Variants in DOCK1 observed in about 807,000 individuals in gnomAD.
The protein encoded by DOCK1 is dedicator of cytokinesis protein 1.
A neutral mutation model predicts 262.7 loss-of-function variants in DOCK1; 138 were observed. The ratio of observed to expected loss-of-function variants is 0.53; its 90% CI spans 0.46 to 0.61. DOCK1 has a LOEUF of 0.61. Among genes scored for constraint, DOCK1 ranks in the 20% least tolerant of loss-of-function variants. The probability of loss-of-function intolerance (pLI) is 0.00; values close to 1 mark genes in which losing one functional copy is unlikely to be tolerated. For missense variants in DOCK1, 1,908 were observed against 2,370.7 expected, an observed-to-expected ratio of 0.80 and a Z score of 4.05; for synonymous variants, 866 against 867.4, an observed-to-expected ratio of 1.00 and a Z score of 0.03.
intron 27 of DOCK1, among the ~76,000 whole-genome samples, chr10:127,245,808 T>C (rs1208862326): frequency 6.6e-6 from 1 of 152,218 alleles, no homozygotes; most frequent in African/African-American, 2.4e-5. Flanking sequence ...AGCCTGATCA[T>C]TTAAGCTAAG....
chr10:127,253,096 A>C (rs2059708999), intron 28 of DOCK1, among the ~76,000 whole-genome samples: 1 of 152,064 alleles, frequency 6.6e-6, no homozygotes, highest in Admixed American at 6.6e-5. Flanking sequence ...GACCATCCCA[A>C]CCCTTTTGGA....
chr10:127,230,361 G>GT (rs1022831258), intron 27 of DOCK1, among the ~76,000 whole-genome samples: 3 of 151,674 alleles, frequency 2.0e-5, no homozygotes, highest in Non-Finnish European at 2.9e-5. Flanking sequence ...ATTTCAAGAG[G>GT]TTTTTTTTCT....
At chr10:127,136,908 G>T (rs1352272402) in intron 27 of DOCK1, 1 of 152,586 alleles carries the variant, frequency 6.6e-6, no homozygotes, top group East Asian at 1.9e-4. Flanking sequence ...TGTCTCGGAG[G>T]ATCGATCCAC....
intron 16 of DOCK1, 135 bp downstream of exon 16, chr10:127,026,559 C>T (rs551108345): frequency 1.3e-6 from 1 of 792,896 alleles, no homozygotes; most frequent in African/African-American, 1.8e-5. Flanking sequence ...GAACCTATTC[C>T]TTGGAAACAT....
At chr10:127,415,037 T>G in intron 43 of DOCK1, 115 bp from the exon 44 acceptor site, 1 of 921,916 alleles carries the variant, frequency 1.1e-6, no homozygotes, top group Non-Finnish European at 1.7e-6. Flanking sequence ...ACAGACCCTG[T>G]CCTGCTGAAG....
chr10:127,056,692 C>G (rs1161736581), intron 22 of DOCK1, among the ~76,000 whole-genome samples: 1 of 152,088 alleles, frequency 6.6e-6, no homozygotes, highest in Non-Finnish European at 1.5e-5. Context: ...CAGACTTTCA[C>G]AGTTTGACTT....
intron 40 of DOCK1, among the ~76,000 whole-genome samples, chr10:127,407,460 A>G (rs1021395103): frequency 6.6e-6 from 1 of 152,070 alleles, no homozygotes; most frequent in African/African-American, 2.4e-5. Flanking sequence ...TTCTAATACT[A>G]TCACCTTGGT....
chr10:127,000,400 G>A, intron 10 of DOCK1, 93 bp downstream of exon 10: 1 of 1,473,006 alleles, frequency 6.8e-7, no homozygotes, highest in Non-Finnish European at 9.1e-7. Flanking sequence ...ACAATGCACA[G>A]CTGTGATTTA....
At chr10:127,017,400 C>CA (rs1357061893) in intron 12 of DOCK1, among the ~76,000 whole-genome samples, 1 of 151,832 alleles carries the variant, frequency 6.6e-6, no homozygotes, top group Non-Finnish European at 1.5e-5. Context: ...CAGATACAGA[C>CA]ACAGACATAC....
In DOCK1 at chr10:126,995,129, C is replaced by T. The variant is rs2040084083; in HGVS notation, c.474-1619C>T. Among the ~76,000 whole-genome samples, 3 of 151,008 alleles carry T rather than the reference C, an allele frequency of 2.0e-5. No individual in the cohort carries two copies. The highest frequency in any genetic ancestry group is 2.1e-4 in the South Asian group (1 of 4,768). On this transcript the variant is annotated intron_variant, in intron 6 of 51. Transcript: ENST00000623213. The surrounding 1 kb of genome is among the most constrained non-coding windows in gnomAD (Gnocchi z 5.8). ...CCCCAGATCCCAGACGATGGGCGGC[C>T]GGGCAGAGACGCTCCTCACTTCTAG...
At chr10:127,268,514 A>AAAAG (rs1372076402) in intron 29 of DOCK1, among the ~76,000 whole-genome samples, 6 of 151,174 alleles carry the variant, frequency 4.0e-5, no homozygotes, top group Non-Finnish European at 7.4e-5. Context: ...AAAAAAAAAA[A>AAAAG]AAAAAAAAGA....
chr10:127,084,439 T>A (rs1215528381), intron 23 of DOCK1, among the ~76,000 whole-genome samples: 1 of 152,188 alleles, frequency 6.6e-6, no homozygotes, highest in East Asian at 1.9e-4. Context: ...GTGGCTGTCC[T>A]CAGGGTGTCT....
intron 14 of DOCK1, among the ~76,000 whole-genome samples, chr10:127,023,791 G>T (rs543980979): frequency 8.5e-5 from 13 of 152,098 alleles, no homozygotes; most frequent in Non-Finnish European, 1.5e-4. Context: ...AGTCTCATTT[G>T]CTGTCACAAG....
At position 127,012,113 on chromosome 10, in the gene DOCK1, T is replaced by G; in HGVS notation, c.1059-119T>G. 1.6e-6 allele frequency: 1 copy of G among 642,630 alleles called. No individual in the cohort carries two copies. Among genetic ancestry groups the G allele is most frequent in the Non-Finnish European group, 2.8e-6 (1 of 350,942 alleles). The allele number at this position is 642,630 out of a possible 1,614,324, so 39.8% of individuals were successfully genotyped here. A position where few individuals can be genotyped will look rare whatever the true frequency, so the allele number is the denominator to read the frequency against. On this transcript the variant is annotated intron_variant, in intron 11 of 51. Coordinates refer to ENST00000623213, the MANE Select transcript of DOCK1 (RefSeq NM_001290223.2). The surrounding 1 kb of genome is among the most constrained non-coding windows in gnomAD (Gnocchi z 4.0). ...CTCCCATCCTTTGTCGTGCGTTGAC[T>G]CATGATGCCTCCCTCTCGCACTCGG...
chr10:126,990,502 C>T lies in DOCK1; in HGVS notation c.372C>T (p.Asp124=). 3.1e-6 allele frequency: 5 copies of T among 1,613,196 alleles called. No homozygotes were observed. The highest frequency in any genetic ancestry group is 4.2e-6 in the Non-Finnish European group (5 of 1,179,664). The stretch of plus-strand genomic sequence containing the variant: ...GAAGTGTGCGGCACATGATCTATGA[C>T]CTTATTGAATGGCGATCACAAATTC... ...MFRSVRHMIY[D]LIEWRSQILS... The change falls in exon 6 of 52, where the codon GAC becomes GAT. Residue 124 remains aspartate (D), a synonymous_variant. Coordinates refer to ENST00000623213, the MANE Select transcript of DOCK1 (RefSeq NM_001290223.2).
At chr10:127,081,782 C>A (rs1314950887) in intron 23 of DOCK1, among the ~76,000 whole-genome samples, 1 of 152,094 alleles carries the variant, frequency 6.6e-6, no homozygotes, top group Non-Finnish European at 1.5e-5. Flanking sequence ...CTAAAAAAAT[C>A]ACCTTTATTG....
At chr10:127,266,682 G>T (rs538688281) in intron 29 of DOCK1, among the ~76,000 whole-genome samples, 31 of 152,294 alleles carry the variant, frequency 2.0e-4, no homozygotes, top group African/African-American at 6.7e-4. Context: ...GATGTGCATG[G>T]TCTCTGAGAA....
intron 1 of DOCK1, among the ~76,000 whole-genome samples, chr10:126,921,728 C>G (rs958692931): frequency 6.6e-6 from 1 of 152,134 alleles, no homozygotes; most frequent in African/African-American, 2.4e-5. Flanking sequence ...TCTCAACTCA[C>G]TGCAGCCTCC....
At chr10:127,199,183 A>G (rs2057346879) in intron 27 of DOCK1, among the ~76,000 whole-genome samples, 1 of 152,162 alleles carries the variant, frequency 6.6e-6, no homozygotes. Flanking sequence ...CTACTTTTCA[A>G]GTGGGATTTC....
Sources: gnomAD v4.1 joint callset for allele counts (sites outside exome capture counted in the v4.1 genomes callset) on GRCh38, gnomAD v4.1.1 for gene constraint, Gnocchi (gnomAD v3.1) non-coding constraint, MANE v1.5 for transcripts, NCBI Gene and HGNC (gene_info 2026-07-23, HGNC 2026-07-21) for gene names.